The following EXT1 variants were observed in gnomAD, a reference collection of about 807,000 sequenced individuals.
EXT1 encodes exostosin-1.
Under a neutral mutation model 82.5 loss-of-function variants are expected in EXT1, and 20 were observed. The ratio of observed to expected loss-of-function variants is 0.24; its 90% CI spans 0.17 to 0.35. The LOEUF is 0.35. EXT1 is among the 10% of genes least tolerant of loss of function. The probability of loss-of-function intolerance (pLI) is 1.00; values close to 1 mark genes in which losing one functional copy is unlikely to be tolerated. For missense variants in EXT1, 757 were observed against 936.5 expected, an observed-to-expected ratio of 0.81 and a Z score of 2.50; for synonymous variants, 348 against 350.8, an observed-to-expected ratio of 0.99 and a Z score of 0.09.
intron 1 of EXT1, among the ~76,000 whole-genome samples, chr8:117,918,673 C>A (rs1474480831): frequency 6.6e-6 from 1 of 152,260 alleles, no homozygotes; most frequent in East Asian, 1.9e-4. Context: ...AAGTCCAGAG[C>A]GGGCGTGAGA....
At position 118,048,732 on chromosome 8, in the gene EXT1, C is replaced by T. The variant is rs796299620; in HGVS notation, c.962+61353G>A. Among the ~76,000 whole-genome samples the T allele has an allele frequency of 3.3e-5, 5 of 152,072 alleles. No homozygotes were observed. The South Asian group carries it at 8.3e-4, about 25-fold the overall frequency. On this transcript the variant is annotated intron_variant, in intron 1 of 10. Coordinates refer to ENST00000378204, the MANE Select transcript of EXT1 (RefSeq NM_000127.3). ...ATAGAAGTTAAGAAGCATTAAGAGC[C>T]AATGAGTCAGCCAGATCTATGAGTG...
chr8:117,938,545 C>G (rs970777114), intron 1 of EXT1, among the ~76,000 whole-genome samples: 7 of 152,202 alleles, frequency 4.6e-5, no homozygotes, highest in Non-Finnish European at 8.8e-5. Context: ...GAGTGCTCCA[C>G]AGTCCCATGT....
At chr8:118,013,453 C>T (rs925046321) in intron 1 of EXT1, among the ~76,000 whole-genome samples, 4 of 152,164 alleles carry the variant, frequency 2.6e-5, no homozygotes, top group Non-Finnish European at 5.9e-5. Context: ...AGATGATCCA[C>T]CCGCCTCGGC....
At position 117,844,303 on chromosome 8, in the gene EXT1, C is replaced by T. The variant is rs180680047; in HGVS notation, c.963-7102G>A. Among the ~76,000 whole-genome samples, 14 of 152,028 alleles carry T rather than the reference C, an allele frequency of 9.2e-5. No individual in the cohort carries two copies. The East Asian group carries it at 2.7e-3, about 29-fold the overall frequency. ...GAGTAGGTGGGACTACAGGCATGTA[C>T]CACCATGTCAAGCTAATTTTTAAAC... On this transcript the variant is annotated intron_variant, in intron 1 of 10. Transcript: ENST00000378204.
At chr8:118,092,009 C>T (rs545224009) in intron 1 of EXT1, among the ~76,000 whole-genome samples, 5 of 152,126 alleles carry the variant, frequency 3.3e-5, no homozygotes, top group Non-Finnish European at 7.4e-5. Flanking sequence ...CAAATATACA[C>T]CATCCCTGTT....
In EXT1 at chr8:117,973,485, G is replaced by A. The variant is rs1814982527; in HGVS notation, c.963-136284C>T. ...ACTAGTGCAAATTAAAAGCACACTA[G>A]TTTAACACAGGGCCTCTACATCTTT... is the stretch of plus-strand genomic sequence containing the variant. On this transcript the variant is annotated intron_variant, in intron 1 of 10. Coordinates refer to ENST00000378204, the MANE Select transcript of EXT1 (RefSeq NM_000127.3). Among the ~76,000 whole-genome samples the A allele has an allele frequency of 2.0e-5, 3 of 152,180 alleles. No individual in the cohort carries two copies. The South Asian group carries it at 6.2e-4, about 32-fold the overall frequency.
intron 1 of EXT1, among the ~76,000 whole-genome samples, chr8:118,026,086 C>T (rs1260347587): frequency 6.6e-6 from 1 of 152,116 alleles, no homozygotes; most frequent in Non-Finnish European, 1.5e-5. Flanking sequence ...AGTTACCCAG[C>T]GGTCACCATA....
At chr8:117,925,020 A>G (rs17475673) in intron 1 of EXT1, among the ~76,000 whole-genome samples, 2,676 of 152,268 alleles carry the variant, frequency 0.018, 33 homozygotes, top group Middle Eastern at 0.048. Context: ...ATTTAGTGAC[A>G]TGTTTCCATG....
At chr8:117,955,420 C>G (rs913019695) in intron 1 of EXT1, among the ~76,000 whole-genome samples, 21 of 152,014 alleles carry the variant, frequency 1.4e-4, no homozygotes, top group African/African-American at 4.8e-4. Flanking sequence ...TCCAGGAACC[C>G]ACTAAGAATC....
intron 1 of EXT1, among the ~76,000 whole-genome samples, chr8:118,024,421 T>TCCAG (rs1161763129): frequency 6.6e-6 from 1 of 152,094 alleles, no homozygotes; most frequent in Non-Finnish European, 1.5e-5. Context: ...CATTCATTCA[T>TCCAG]CCAGCCAGCC....
At chr8:117,969,987 G>T (rs868575465) in intron 1 of EXT1, among the ~76,000 whole-genome samples, 1 of 152,170 alleles carries the variant, frequency 6.6e-6, no homozygotes. Flanking sequence ...ACTGATTCTA[G>T]TGTCTGCTCT....
chr8:117,891,653 A>AGGGGCAGCACCACTTGTCATT lies in EXT1; in HGVS notation c.963-54473_963-54453dup. Among the ~76,000 whole-genome samples the AGGGGCAGCACCACTTGTCATT allele has an allele frequency of 4.6e-5, 7 of 152,284 alleles. No individual in the cohort carries two copies. In the East Asian group the frequency reaches 1.4e-3, roughly 29 times the overall value. The stretch of plus-strand genomic sequence containing the variant: ...GAAGTCACTGAACACAGTTGTATGC[A>AGGGGCAGCACCACTTGTCATT]GGGGCAGCACCACTTGTCATTGCGT... On this transcript the variant is annotated intron_variant, in intron 1 of 10. Transcript: ENST00000378204.
At chr8:117,812,184 G>T (rs1254143337) in intron 8 of EXT1, among the ~76,000 whole-genome samples, 1 of 152,082 alleles carries the variant, frequency 6.6e-6, no homozygotes, top group Non-Finnish European at 1.5e-5. Flanking sequence ...AGCTGTCTTT[G>T]GTCCTCTGCA....
At chr8:117,910,605 T>A (rs182812523) in intron 1 of EXT1, among the ~76,000 whole-genome samples, 1 of 152,272 alleles carries the variant, frequency 6.6e-6, no homozygotes, top group East Asian at 1.9e-4. Context: ...AAGAGTCAAC[T>A]GGGAAAAGGG....
intron 1 of EXT1, among the ~76,000 whole-genome samples, chr8:118,038,907 G>A (rs973502943): frequency 7.9e-5 from 12 of 152,164 alleles, no homozygotes; most frequent in Admixed American, 5.2e-4. Flanking sequence ...ATCTCACAAT[G>A]TCTGTTCCTC....
intron 1 of EXT1, among the ~76,000 whole-genome samples, chr8:117,853,831 G>C (rs571014397): frequency 2.0e-5 from 3 of 152,332 alleles, no homozygotes; most frequent in African/African-American, 7.2e-5. Context: ...TAAATGCTAT[G>C]AGCAGTTTGA....
chr8:118,072,021 C>T (rs1392001036), intron 1 of EXT1, among the ~76,000 whole-genome samples: 3 of 152,132 alleles, frequency 2.0e-5, no homozygotes, highest in South Asian at 2.1e-4. Flanking sequence ...GCAACACTGC[C>T]TCTCCTAGTC....
At chr8:117,856,948 C>CA (rs1415773127) in intron 1 of EXT1, among the ~76,000 whole-genome samples, 1 of 152,054 alleles carries the variant, frequency 6.6e-6, no homozygotes, top group Non-Finnish European at 1.5e-5. Context: ...TTTACCACTC[C>CA]AAAAATCCTA....
At chr8:117,940,767 G>A (rs139006532) in intron 1 of EXT1, among the ~76,000 whole-genome samples, 148 of 152,318 alleles carry the variant, frequency 9.7e-4, no homozygotes, top group African/African-American at 3.4e-3. Context: ...GGTCTTGAAG[G>A]ATCAGTAGGA....
Sources: allele counts gnomAD v4.1 joint callset (sites outside exome capture counted in the v4.1 genomes callset), GRCh38; gene constraint gnomAD v4.1.1; transcripts MANE v1.5; gene names NCBI Gene and HGNC (gene_info 2026-07-23, HGNC 2026-07-21).